Variants in PRR16 observed in about 807,000 individuals in gnomAD.
PRR16 encodes the protein protein Largen.
A neutral mutation model predicts 18.2 loss-of-function variants in PRR16; 6 were observed. That is an observed-to-expected ratio of 0.33 (90% confidence interval 0.18 to 0.65). The LOEUF (loss-of-function observed/expected upper bound fraction) is 0.65. Among genes scored for constraint, PRR16 ranks in the 30% least tolerant of loss-of-function variants. PRR16 has a pLI of 0.74. For synonymous variants in PRR16, 151 were observed against 147.8 expected, an observed-to-expected ratio of 1.02 and a Z score of -0.16; for missense variants, 412 against 376.6, an observed-to-expected ratio of 1.09 and a Z score of -0.78.
At chr5:120,564,635 A>G (rs1421749815) in intron 1 of PRR16, among the ~76,000 whole-genome samples, 1 of 152,108 alleles carries the variant, frequency 6.6e-6, no homozygotes, top group Non-Finnish European at 1.5e-5. Flanking sequence ...TGGGGGGTGG[A>G]AAGGTGGTGT....
intron 1 of PRR16, among the ~76,000 whole-genome samples, chr5:120,682,715 A>G (rs1378658837): frequency 1.3e-5 from 2 of 152,198 alleles, no homozygotes; most frequent in Non-Finnish European, 2.9e-5. Flanking sequence ...GTTTCTAGAC[A>G]GAGCTTGAGA....
At chr5:120,619,250 T>C (rs1754610206) in intron 1 of PRR16, among the ~76,000 whole-genome samples, 1 of 152,148 alleles carries the variant, frequency 6.6e-6, no homozygotes, top group Non-Finnish European at 1.5e-5. Flanking sequence ...TCAAACATAG[T>C]TCTAATTTTT....
Position 120,628,695 on chromosome 5 carries a change from C to CATCTATCT in PRR16, c.160-57211_160-57204dup, listed in dbSNP as rs10590670. 3.4e-3 allele frequency among the ~76,000 whole-genome samples: 498 copies of CATCTATCT among 144,698 alleles called. 2 individuals carry two copies. Among genetic ancestry groups the CATCTATCT allele is most frequent in the South Asian group, 4.4e-3 (19 of 4,326 alleles). 94.9% of individuals were successfully genotyped at this position (144,698 alleles called of 152,430 possible). A position where few individuals can be genotyped will look rare whatever the true frequency, so the allele number is the denominator to read the frequency against. ...TCTATCTATCTATCTATCATTCTACCATCTATCTATCTATCTATCTATCTA... is the reference window on the plus strand; with the variant it reads ...TCTATCTATCTATCTATCATTCTACCATCTATCTATCTATCTATCTATCTATCTATCTA... On this transcript the variant is annotated intron_variant, in intron 1 of 1. Transcript: ENST00000407149.
intron 1 of PRR16, among the ~76,000 whole-genome samples, chr5:120,588,386 G>A (rs1044836376): frequency 1.3e-5 from 2 of 152,036 alleles, no homozygotes; most frequent in African/African-American, 4.8e-5. Context: ...GTCCATTCAC[G>A]TGGCAAATTT....
chr5:120,495,675 G>A (rs1750220779), intron 1 of PRR16, among the ~76,000 whole-genome samples: 1 of 152,020 alleles, frequency 6.6e-6, no homozygotes, highest in Non-Finnish European at 1.5e-5. Flanking sequence ...CATTGCTAGT[G>A]TAGAGAGATA....
At chr5:120,503,641 A>AT (rs902310417) in intron 1 of PRR16, among the ~76,000 whole-genome samples, 93 of 150,306 alleles carry the variant, frequency 6.2e-4, no homozygotes, top group African/African-American at 1.3e-3. Context: ...GGAGGCAGTG[A>AT]TTTTTTTTTT....
intron 1 of PRR16, among the ~76,000 whole-genome samples, chr5:120,679,357 T>G (rs1756904150): frequency 6.6e-6 from 1 of 152,190 alleles, no homozygotes; most frequent in Non-Finnish European, 1.5e-5. Flanking sequence ...AATCTATCCC[T>G]TCAGTCCTGC....
intron 1 of PRR16, among the ~76,000 whole-genome samples, chr5:120,639,623 C>G (rs1755355436): frequency 6.6e-6 from 1 of 151,694 alleles, no homozygotes; most frequent in Non-Finnish European, 1.5e-5. Flanking sequence ...TGGCTATGAT[C>G]AGGAGGTCAG....
At chr5:120,614,141 C>T (rs1754426821) in intron 1 of PRR16, among the ~76,000 whole-genome samples, 1 of 152,134 alleles carries the variant, frequency 6.6e-6, no homozygotes, top group Non-Finnish European at 1.5e-5. Flanking sequence ...CAAACTGTGA[C>T]CCTGCACGTG....
intron 1 of PRR16, among the ~76,000 whole-genome samples, chr5:120,568,701 AT>A: frequency 6.6e-6 from 1 of 152,146 alleles, no homozygotes; most frequent in Non-Finnish European, 1.5e-5. Context: ...AGAATTACAC[AT>A]TCTTTGGTAA....
At chr5:120,794,425 A>G in the PRR16 span, among the ~76,000 whole-genome samples, 1 of 152,066 alleles carries the variant, frequency 6.6e-6, no homozygotes, top group East Asian at 1.9e-4. Context: ...TTCTTACGCT[A>G]TTTCAAGCAT....
At chr5:120,545,730 T>C (rs1312872038) in intron 1 of PRR16, among the ~76,000 whole-genome samples, 3 of 152,126 alleles carry the variant, frequency 2.0e-5, no homozygotes, top group African/African-American at 7.2e-5. Flanking sequence ...GAATCATTTG[T>C]ATCATCACAA....
At chr5:120,705,783 A>G in the PRR16 span, among the ~76,000 whole-genome samples, 1 of 152,130 alleles carries the variant, frequency 6.6e-6, no homozygotes, top group Non-Finnish European at 1.5e-5. Context: ...ACTCTGTAGT[A>G]ATTATTGGTA....
intron 1 of PRR16, among the ~76,000 whole-genome samples, chr5:120,559,790 T>C (rs1752521518): frequency 6.6e-6 from 1 of 151,992 alleles, no homozygotes; most frequent in African/African-American, 2.4e-5. Flanking sequence ...GCATGGAGCA[T>C]GGAATATCTT....
the PRR16 span, among the ~76,000 whole-genome samples, chr5:120,708,096 A>G: frequency 6.6e-6 from 1 of 152,224 alleles, no homozygotes; most frequent in Non-Finnish European, 1.5e-5. Flanking sequence ...AATGTAACAA[A>G]TGATAACCAT....
Position 120,686,647 on chromosome 5 carries a change from C to A in PRR16, c.853C>A (p.Pro285Thr). The A allele has an allele frequency of 6.3e-7, 1 of 1,594,612 alleles. No homozygotes were observed. The highest frequency in any genetic ancestry group is 8.6e-7 in the Non-Finnish European group (1 of 1,168,590). Residue 285 changes from proline to threonine, a missense_variant, in exon 2 of 2, where the codon CCT (proline) becomes ACT (threonine). Physicochemically the swap from Pro to Thr is conservative, Grantham distance 38. Coordinates refer to ENST00000407149, the MANE Select transcript of PRR16 (RefSeq NM_001300783.2). ...CCCTATCAGACCTGCAACTGTGCCTCCTCCCACTGCACCAAAACCACAGAA... is the reference window on the plus strand; with the variant it reads ...CCCTATCAGACCTGCAACTGTGCCTACTCCCACTGCACCAAAACCACAGAA... ...FPPIRPATVP[P>T]PTAPKPQKTI... is the part of the protein sequence containing the mutation.
At chr5:120,613,371 A>G (rs1489708965) in intron 1 of PRR16, among the ~76,000 whole-genome samples, 10 of 151,372 alleles carry the variant, frequency 6.6e-5, no homozygotes, top group Admixed American at 5.3e-4. Context: ...TTCATAATTT[A>G]TTTTTTTTCT....
chr5:120,728,128 G>GTA, the PRR16 span, among the ~76,000 whole-genome samples: 1 of 151,864 alleles, frequency 6.6e-6, no homozygotes, highest in Non-Finnish European at 1.5e-5. Flanking sequence ...AATACAGCTT[G>GTA]TAAGTATCTG....
At chr5:120,628,718 CTATCT>C (rs1364913248) in intron 1 of PRR16, among the ~76,000 whole-genome samples, 2 of 151,288 alleles carry the variant, frequency 1.3e-5, no homozygotes, top group Non-Finnish European at 2.9e-5. Flanking sequence ...ATCTATCTAT[CTATCT>C]ATCTATCTAT....
Sources: gnomAD v4.1 joint callset for allele counts (sites outside exome capture counted in the v4.1 genomes callset) on GRCh38, gnomAD v4.1.1 for gene constraint, MANE v1.5 for transcripts, NCBI Gene and HGNC (gene_info 2026-07-23, HGNC 2026-07-21) for gene names.